Variants in ADGRB3 observed in about 807,000 individuals in gnomAD.
ADGRB3 encodes the protein adhesion G protein-coupled receptor B3, also known as brain-specific angiogenesis inhibitor 3.
A neutral mutation model predicts 193.4 loss-of-function variants in ADGRB3; 37 were observed. The ratio of observed to expected loss-of-function variants is 0.19; its 90% confidence interval spans 0.15 to 0.25. ADGRB3 has a LOEUF of 0.25. ADGRB3 is among the 10% of genes least tolerant of loss of function. The pLI is 1.00. For missense variants in ADGRB3, 1,637 were observed against 1,852.9 expected (o/e 0.88, Z 2.14); for synonymous variants, 690 against 644.2 (o/e 1.07, Z -1.08).
At chr6:68,974,952 C>A in intron 9 of ADGRB3, 88 bp downstream of exon 9, 1 of 1,151,732 alleles carries the variant, frequency 8.7e-7, no homozygotes, top group Non-Finnish European at 1.3e-6. Context: ...ATGTTTTTGT[C>A]TTATATCCAT....
intron 20 of ADGRB3, among the ~76,000 whole-genome samples, chr6:69,290,170 C>T (rs1348097822): frequency 6.6e-6 from 1 of 152,012 alleles, no homozygotes; most frequent in African/African-American, 2.4e-5. Flanking sequence ...ATTAATATAA[C>T]TGAGTGATTA....
intron 8 of ADGRB3, among the ~76,000 whole-genome samples, chr6:68,967,926 A>G (rs1768431574): frequency 6.6e-6 from 1 of 152,072 alleles, no homozygotes; most frequent in Admixed American, 6.6e-5. Context: ...CAAAGCAGAA[A>G]GAACCTGCAC....
At position 69,115,558 on chromosome 6, in the gene ADGRB3, C is replaced by T. The variant is rs557170384; in HGVS notation, c.2480+39520C>T. ...CGTGTATAACTATGTAACAAACCTG[C>T]ATGTTCTGCACATGTATCCCAGAAC... On this transcript the variant is annotated intron_variant, in intron 17 of 31. Coordinates refer to ENST00000370598, the MANE Select transcript of ADGRB3 (RefSeq NM_001704.3). Among the ~76,000 whole-genome samples, 3 of 152,226 alleles carry T rather than the reference C, an allele frequency of 2.0e-5. No individual in the cohort carries two copies. The East Asian group carries it at 5.8e-4, about 29-fold the overall frequency.
At chr6:69,287,401 C>A (rs1767575372) in intron 20 of ADGRB3, among the ~76,000 whole-genome samples, 1 of 151,918 alleles carries the variant, frequency 6.6e-6, no homozygotes, top group African/African-American at 2.4e-5. Context: ...ATAACTTACA[C>A]CAATGTTCAA....
At chr6:68,915,439 C>T (rs1766850877) in intron 3 of ADGRB3, among the ~76,000 whole-genome samples, 6 of 151,920 alleles carry the variant, frequency 3.9e-5, no homozygotes, top group Admixed American at 3.9e-4. Context: ...ATGAGCCAAG[C>T]CCAAAAGAAA....
chr6:69,363,649 GT>G (rs1190113256), intron 29 of ADGRB3, among the ~76,000 whole-genome samples: 1 of 152,010 alleles, frequency 6.6e-6, no homozygotes, highest in East Asian at 1.9e-4. Context: ...TAACTTTAAA[GT>G]TCTTTCTAAT....
intron 3 of ADGRB3, among the ~76,000 whole-genome samples, chr6:68,833,693 G>T (rs1029945538): frequency 6.6e-6 from 1 of 151,472 alleles, no homozygotes; most frequent in Non-Finnish European, 1.5e-5. Flanking sequence ...TTAATATTTT[G>T]CAAATTTGTT....
chr6:69,287,462 G>T (rs1047466159), intron 20 of ADGRB3, among the ~76,000 whole-genome samples: 4 of 152,004 alleles, frequency 2.6e-5, no homozygotes, highest in Non-Finnish European at 5.9e-5. Flanking sequence ...AAAAAAAACT[G>T]AATCTACATG....
chr6:68,658,561 A>C (rs1280223102), intron 3 of ADGRB3, among the ~76,000 whole-genome samples: 2 of 151,272 alleles, frequency 1.3e-5, no homozygotes, highest in Admixed American at 1.3e-4. Context: ...GAAACCTCCA[A>C]GTGATAAAAA....
At chr6:68,939,012 C>T (rs2150249301) in intron 5 of ADGRB3, among the ~76,000 whole-genome samples, 1 of 152,238 alleles carries the variant, frequency 6.6e-6, no homozygotes, top group East Asian at 1.9e-4. Context: ...TCAGAGTCTA[C>T]TTCCCAGCCA....
intron 10 of ADGRB3, among the ~76,000 whole-genome samples, chr6:68,976,103 G>A (rs1160292418): frequency 6.6e-6 from 1 of 152,086 alleles, no homozygotes. Context: ...CAGGAGTGAT[G>A]TTTACTTAAA....
At chr6:69,030,789 A>G (rs1394583937) in intron 13 of ADGRB3, among the ~76,000 whole-genome samples, 2 of 152,212 alleles carry the variant, frequency 1.3e-5, no homozygotes, top group Admixed American at 6.5e-5. Flanking sequence ...AACAAAACAC[A>G]TAGACATAGC....
At chr6:69,340,510 A>G (rs1287391796) in intron 26 of ADGRB3, among the ~76,000 whole-genome samples, 2 of 152,146 alleles carry the variant, frequency 1.3e-5, no homozygotes, top group Non-Finnish European at 2.9e-5. Context: ...AAAAAAACAC[A>G]TGTACGTATG....
At chr6:69,237,224 A>C (rs747560197) in intron 19 of ADGRB3, among the ~76,000 whole-genome samples, 3 of 152,022 alleles carry the variant, frequency 2.0e-5, no homozygotes, top group African/African-American at 2.4e-5. Flanking sequence ...GCTAATAAGC[A>C]TGTTAGGTTC....
chr6:68,815,053 A>T (rs1434803742), intron 3 of ADGRB3, among the ~76,000 whole-genome samples: 1 of 152,156 alleles, frequency 6.6e-6, no homozygotes, highest in Admixed American at 6.6e-5. Flanking sequence ...CAAAAACTGG[A>T]AGCATTCCCC....
At chr6:69,208,334 A>G (rs1765582503) in intron 17 of ADGRB3, among the ~76,000 whole-genome samples, 1 of 152,230 alleles carries the variant, frequency 6.6e-6, no homozygotes, top group Admixed American at 6.5e-5. Context: ...GTCCACCAAC[A>G]TACCTCTTCC....
intron 17 of ADGRB3, among the ~76,000 whole-genome samples, chr6:69,100,299 A>G (rs184302764): frequency 3.9e-5 from 6 of 152,242 alleles, no homozygotes; most frequent in Admixed American, 6.5e-5. Flanking sequence ...TTTCCCCTTT[A>G]CATTTTGTGA....
chr6:68,780,849 T>C (rs1766838956), intron 3 of ADGRB3, among the ~76,000 whole-genome samples: 1 of 152,146 alleles, frequency 6.6e-6, no homozygotes, highest in African/African-American at 2.4e-5. Flanking sequence ...GGTACACATC[T>C]ATTAACTACA....
chr6:68,985,250 T>C (rs1562110953), intron 10 of ADGRB3, among the ~76,000 whole-genome samples: 1 of 152,164 alleles, frequency 6.6e-6, no homozygotes, highest in Non-Finnish European at 1.5e-5. Flanking sequence ...GTTAGAAATG[T>C]AGCATCTTAG....
Sources: allele counts gnomAD v4.1 joint callset (sites outside exome capture counted in the v4.1 genomes callset), GRCh38; gene constraint gnomAD v4.1.1; transcripts MANE v1.5; gene names NCBI Gene and HGNC (gene_info 2026-07-23, HGNC 2026-07-21).